Variants in CDH8 observed in about 807,000 individuals in gnomAD.
CDH8 encodes cadherin 8.
Under a neutral mutation model 68.1 loss-of-function variants are expected in CDH8, and 17 were observed. The ratio of observed to expected loss-of-function variants is 0.25; its 90% CI spans 0.17 to 0.37. The LOEUF (loss-of-function observed/expected upper bound fraction) is 0.37, where lower values mean the gene tolerates loss of function less well. Ranked by LOEUF, CDH8 falls within the 10% of genes least tolerant of loss-of-function variation. The pLI is 1.00. For synonymous variants in CDH8, 372 were observed against 365.1 expected (o/e 1.02, Z -0.21); for missense variants, 763 against 999.3 (o/e 0.76, Z 3.19).
chr16:61,978,308 C>G, intron 2 of CDH8, among the ~76,000 whole-genome samples: 1 of 152,162 alleles, frequency 6.6e-6, no homozygotes, highest in East Asian at 1.9e-4. Flanking sequence ...TTATTCAAAG[C>G]TACGACCTTT....
In CDH8 at chr16:61,700,428, G is replaced by A. The variant is rs547353034; in HGVS notation, c.1654+13413C>T. Reference sequence around the variant, plus strand: ...CCCAAGTAGCTGGGACTACAGACACGTGCCACAACGCCCAGGTAATTTTTG... The same window carrying A: ...CCCAAGTAGCTGGGACTACAGACACATGCCACAACGCCCAGGTAATTTTTG... On this transcript the variant is annotated intron_variant, in intron 10 of 11. Transcript: ENST00000577390. Among the ~76,000 whole-genome samples the A allele has an allele frequency of 6.6e-5, 10 of 151,954 alleles. No homozygotes were observed. The East Asian group carries it at 1.4e-3, about 21-fold the overall frequency.
At chr16:61,842,815 T>C (rs1019262709) in intron 4 of CDH8, among the ~76,000 whole-genome samples, 38 of 152,280 alleles carry the variant, frequency 2.5e-4, no homozygotes, top group African/African-American at 7.5e-4. Context: ...TAGGATCAAA[T>C]TACTGTTGTG....
intron 4 of CDH8, among the ~76,000 whole-genome samples, chr16:61,828,238 G>A (rs559642569): frequency 1.3e-5 from 2 of 151,988 alleles, no homozygotes; most frequent in African/African-American, 4.8e-5. Flanking sequence ...GAAAGTTACT[G>A]TATATGGTCT....
intron 2 of CDH8, among the ~76,000 whole-genome samples, chr16:61,919,265 C>T (rs1368007901): frequency 6.7e-6 from 1 of 148,204 alleles, no homozygotes; most frequent in African/African-American, 2.5e-5. Flanking sequence ...CGCCTCTCCT[C>T]CTCCAAAGGA....
At chr16:61,955,570 C>T (rs1377282595) in intron 2 of CDH8, among the ~76,000 whole-genome samples, 1 of 152,086 alleles carries the variant, frequency 6.6e-6, no homozygotes, top group Middle Eastern at 3.2e-3. Flanking sequence ...CTCTTAAAAC[C>T]TCATAGACAT....
At chr16:61,953,926 T>TATATATATAA (rs1366207636) in intron 2 of CDH8, among the ~76,000 whole-genome samples, 8 of 118,986 alleles carry the variant, frequency 6.7e-5, no homozygotes, top group African/African-American at 2.2e-4. Context: ...TATATATATA[T>TATATATATAA]AAAATACCTT....
At chr16:61,972,567 T>TGTGG (rs1965356626) in intron 2 of CDH8, among the ~76,000 whole-genome samples, 1 of 84,454 alleles carries the variant, frequency 1.2e-5, no homozygotes, top group Non-Finnish European at 2.3e-5. Context: ...GGGAACACAT[T>TGTGG]GTGGGTGTGT....
chr16:61,713,461 A>G (rs1964667246), intron 10 of CDH8, among the ~76,000 whole-genome samples: 1 of 151,656 alleles, frequency 6.6e-6, no homozygotes, highest in South Asian at 2.1e-4. Context: ...GCTTTCCCTA[A>G]AGACGTGGTA....
intron 3 of CDH8, among the ~76,000 whole-genome samples, chr16:61,874,935 C>T (rs939534792): frequency 9.2e-5 from 14 of 152,094 alleles, no homozygotes; most frequent in Non-Finnish European, 1.9e-4. Context: ...TTTTGCAAGA[C>T]AGAGTGCTAG....
intron 8 of CDH8, among the ~76,000 whole-genome samples, chr16:61,759,286 A>T (rs1017163204): frequency 6.6e-6 from 1 of 152,174 alleles, no homozygotes. Context: ...CAGCATGCAG[A>T]TTGAGAAGAC....
intron 2 of CDH8, among the ~76,000 whole-genome samples, chr16:61,986,143 T>TG (rs1355399618): frequency 2.0e-5 from 3 of 149,836 alleles, no homozygotes; most frequent in Non-Finnish European, 4.5e-5. Flanking sequence ...AGGCTGGTCT[T>TG]GAACTCCTGA....
intron 8 of CDH8, among the ~76,000 whole-genome samples, chr16:61,747,270 CT>C (rs2142938488): frequency 6.6e-6 from 1 of 152,116 alleles, no homozygotes; most frequent in East Asian, 1.9e-4. Context: ...AGGAAACATT[CT>C]TTTTGGGTGT....
intron 9 of CDH8, among the ~76,000 whole-genome samples, chr16:61,717,709 A>G (rs914560606): frequency 2.6e-5 from 4 of 151,424 alleles, no homozygotes; most frequent in Admixed American, 2.6e-4. Flanking sequence ...TTATTTATCA[A>G]TATGACCTTA....
chr16:61,968,343 C>G (rs1262595436), intron 2 of CDH8, among the ~76,000 whole-genome samples: 4 of 152,178 alleles, frequency 2.6e-5, no homozygotes, highest in Non-Finnish European at 4.4e-5. Flanking sequence ...TTTTCCCACT[C>G]TTTCACTGCA....
intron 2 of CDH8, among the ~76,000 whole-genome samples, chr16:61,939,303 T>C (rs1964675903): frequency 6.6e-6 from 1 of 152,184 alleles, no homozygotes; most frequent in Non-Finnish European, 1.5e-5. Context: ...TGGAAAAAAC[T>C]TCATTGTTAC....
intron 10 of CDH8, among the ~76,000 whole-genome samples, chr16:61,662,641 T>C (rs1255540563): frequency 2.6e-5 from 4 of 151,836 alleles, no homozygotes; most frequent in Non-Finnish European, 5.9e-5. Flanking sequence ...AGAATAACAA[T>C]ATAATAATTA....
chr16:61,825,929 CTGTT>C (rs1962322592), intron 4 of CDH8, among the ~76,000 whole-genome samples: 2 of 151,798 alleles, frequency 1.3e-5, no homozygotes, highest in South Asian at 2.1e-4. Flanking sequence ...GTGGGTTTGT[CTGTT>C]TGTTTCACTG....
chr16:62,003,816 T>G (rs1258684929), intron 2 of CDH8, among the ~76,000 whole-genome samples: 1 of 152,250 alleles, frequency 6.6e-6, no homozygotes, highest in East Asian at 1.9e-4. Context: ...TCCATCATTT[T>G]ATTCTACTTT....
intron 1 of CDH8, among the ~76,000 whole-genome samples, chr16:62,035,451 C>T (rs991883101): frequency 1.1e-4 from 16 of 152,166 alleles, no homozygotes; most frequent in Non-Finnish European, 4.4e-5. Flanking sequence ...GACTCCGGAG[C>T]CCGGCAAGTT....
Sources: gnomAD v4.1 joint callset for allele counts (sites outside exome capture counted in the v4.1 genomes callset) on GRCh38, gnomAD v4.1.1 for gene constraint, MANE v1.5 for transcripts, NCBI Gene and HGNC (gene_info 2026-07-23, HGNC 2026-07-21) for gene names.